ZMIZ1: variants seen among roughly 807,000 people sequenced by gnomAD.
The protein encoded by ZMIZ1 is zinc finger MIZ-type containing 1.
Under a neutral mutation model 113.9 loss-of-function variants are expected in ZMIZ1, and 17 were observed. That is an observed-to-expected ratio of 0.15 (90% CI 0.10 to 0.22). The LOEUF (loss-of-function observed/expected upper bound fraction) is 0.22, where lower values mean the gene tolerates loss of function less well. Ranked by LOEUF, ZMIZ1 falls within the 10% of genes least tolerant of loss-of-function variation. The pLI is 1.00. For synonymous variants in ZMIZ1, 607 were observed against 603.1 expected (o/e 1.01, Z -0.09); for missense variants, 1,059 against 1,477.8 (o/e 0.72, Z 4.65).
chr10:79,202,189 G>GAAAAAAAAAAA (rs58021590), intron 5 of ZMIZ1, among the ~76,000 whole-genome samples: 34 of 52,630 alleles, frequency 6.5e-4, no homozygotes, highest in East Asian at 2.4e-3. Context: ...CCCTGTCTCA[G>GAAAAAAAAAAA]AAAAAAAAAA....
rs1414523764 is a variant in ZMIZ1 at position 79,201,642 on chromosome 10, A to G, written c.10A>G (p.Met4Val). MNS[M>V]DRHIQQTNDR... ...TAGTGAAACGGCCAGAATGAATTCT[A>G]TGGACAGGCACATCCAGCAGACCAA... Residue 4 changes from methionine (M) to valine (V), a missense_variant, in exon 5 of 25, where the codon ATG (methionine) becomes GTG (valine). Met to Val is a conservative substitution (Grantham distance 21). This residue lies in a region of ZMIZ1 where 272 missense variants were observed against 350.4 expected (regional missense o/e 0.78). Coordinates refer to ENST00000334512, the MANE Select transcript of ZMIZ1 (RefSeq NM_020338.4). 6.2e-7 allele frequency: 1 copy of G among 1,613,702 alleles called. No homozygotes were observed. The highest frequency in any genetic ancestry group is 1.7e-5 in the Admixed American group (1 of 60,000).
intron 1 of ZMIZ1, among the ~76,000 whole-genome samples, chr10:79,076,518 G>A (rs948554631): frequency 1.3e-5 from 2 of 152,178 alleles, no homozygotes; most frequent in African/African-American, 2.4e-5. Context: ...GTCTTTACAG[G>A]GTGGTTGCAT....
intron 4 of ZMIZ1, among the ~76,000 whole-genome samples, chr10:79,175,583 CGTGTGTGTGTGTGTGT>C (rs757004699): frequency 3.7e-4 from 46 of 125,384 alleles, no homozygotes; most frequent in Admixed American, 1.3e-3. Context: ...GTGCACTCTG[CGTGTGTGTGTGTGTGT>C]GTGTGTGTGT....
rs78210698 is a variant in ZMIZ1 at position 79,103,591 on chromosome 10, G to A, written c.-336-15324G>A. Among the ~76,000 whole-genome samples, 902 of 152,280 alleles carry A rather than the reference G, an allele frequency of 5.9e-3. 9 individuals carry two copies. The highest frequency in any genetic ancestry group is 0.021 in the African/African-American group (856 of 41,560). On this transcript the variant is annotated intron_variant, in intron 1 of 24. Coordinates refer to ENST00000334512, the MANE Select transcript of ZMIZ1 (RefSeq NM_020338.4). Reference sequence around the variant, plus strand: ...CGGAGGGAGAACAGGATCTAGGGGAGGGAGGGCAAGGGGTGATGCCAACCT... The same window carrying A: ...CGGAGGGAGAACAGGATCTAGGGGAAGGAGGGCAAGGGGTGATGCCAACCT...
chr10:79,299,310 G>GCATCATTGA, intron 16 of ZMIZ1, 119 bp downstream of exon 16: 1 of 1,382,000 alleles, frequency 7.2e-7, no homozygotes, highest in Non-Finnish European at 9.6e-7. Flanking sequence ...ACACCTTCAC[G>GCATCATTGA]TGTTCAGCAT....
intron 1 of ZMIZ1, among the ~76,000 whole-genome samples, chr10:79,095,218 C>T (rs1203726936): frequency 6.6e-6 from 1 of 152,190 alleles, no homozygotes; most frequent in Non-Finnish European, 1.5e-5. Flanking sequence ...TGCTCATGTA[C>T]ACTTAGTGCT....
In ZMIZ1 at chr10:79,118,135, C is replaced by A. The variant is rs1045989878; in HGVS notation, c.-336-780C>A. Among the ~76,000 whole-genome samples, 4 of 152,190 alleles carry A rather than the reference C, an allele frequency of 2.6e-5. No homozygotes were observed. The highest frequency in any genetic ancestry group is 4.4e-5 in the Non-Finnish European group (3 of 68,044). On this transcript the variant is annotated intron_variant, in intron 1 of 24. Coordinates refer to ENST00000334512, the MANE Select transcript of ZMIZ1 (RefSeq NM_020338.4). This position sits in a 1 kb window ranked among gnomAD's most constrained non-coding sequence, Gnocchi z 4.1. Reference sequence around the variant, plus strand: ...TTCCCTCTCAGGGCCTCAGTTTCCTCATTTGTAAAATGACAAGGAAAAGTA... The same window carrying A: ...TTCCCTCTCAGGGCCTCAGTTTCCTAATTTGTAAAATGACAAGGAAAAGTA...
Position 79,103,821 on chromosome 10 carries a change from C to T in ZMIZ1, c.-336-15094C>T, listed in dbSNP as rs571537800. On this transcript the variant is annotated intron_variant, in intron 1 of 24. Transcript: ENST00000334512. ...CATTGCATCATGGATGAGGACCTTC[C>T]GGTCCCCTGGCTTGGAGGCAGACGT... Among the ~76,000 whole-genome samples the T allele has an allele frequency of 2.4e-4, 36 of 152,220 alleles. No homozygotes were observed. The East Asian group carries it at 6.2e-3, about 26-fold the overall frequency.
chr10:79,188,695 C>T (rs1847462464), intron 4 of ZMIZ1, among the ~76,000 whole-genome samples: 1 of 151,464 alleles, frequency 6.6e-6, no homozygotes, highest in African/African-American at 2.4e-5. Flanking sequence ...TGTGTCTCTC[C>T]TCCAGCCTCT....
intron 7 of ZMIZ1, among the ~76,000 whole-genome samples, chr10:79,250,640 C>T (rs1850493741): frequency 6.6e-6 from 1 of 152,218 alleles, no homozygotes; most frequent in African/African-American, 2.4e-5. Context: ...TGAGGTCTAC[C>T]CATAGTTTGT....
intron 1 of ZMIZ1, among the ~76,000 whole-genome samples, chr10:79,098,022 C>T (rs1843231478): frequency 6.6e-6 from 1 of 152,214 alleles, no homozygotes; most frequent in Non-Finnish European, 1.5e-5. Flanking sequence ...ATTCAAGATG[C>T]CACTGGGCCC....
intron 7 of ZMIZ1, among the ~76,000 whole-genome samples, chr10:79,276,002 C>G (rs567323599): frequency 1.8e-4 from 27 of 152,340 alleles, no homozygotes; most frequent in African/African-American, 6.3e-4. Flanking sequence ...CAAAATATGC[C>G]TGGCCACTCT....
chr10:79,132,977 C>T (rs1400026235), intron 2 of ZMIZ1, among the ~76,000 whole-genome samples: 1 of 152,090 alleles, frequency 6.6e-6, no homozygotes, highest in Non-Finnish European at 1.5e-5. Context: ...ACCTGGCCCC[C>T]TCGCAGGCTC....
intron 6 of ZMIZ1, among the ~76,000 whole-genome samples, chr10:79,210,990 G>C (rs1039100649): frequency 1.3e-5 from 2 of 152,162 alleles, no homozygotes; most frequent in African/African-American, 4.8e-5. Context: ...CCTGCCTCCA[G>C]TGTAAGGCAT....
chr10:79,175,834 G>A (rs377028133), intron 4 of ZMIZ1, among the ~76,000 whole-genome samples: 10 of 152,034 alleles, frequency 6.6e-5, no homozygotes, highest in African/African-American at 1.9e-4. Flanking sequence ...CAAACCCTCC[G>A]GGCTTAGCCC....
chr10:79,189,906 C>T (rs578075623), intron 4 of ZMIZ1, among the ~76,000 whole-genome samples: 1 of 152,188 alleles, frequency 6.6e-6, no homozygotes, highest in Non-Finnish European at 1.5e-5. Flanking sequence ...TGGCTCAGTC[C>T]CCTGAGTAGC....
At chr10:79,090,631 A>G (rs751003706) in intron 1 of ZMIZ1, among the ~76,000 whole-genome samples, 5 of 152,218 alleles carry the variant, frequency 3.3e-5, no homozygotes, top group Admixed American at 1.3e-4. Context: ...TGAGAGTTGC[A>G]GATAGTGGCT....
rs747160954 is a variant in ZMIZ1, at chr10:79,307,555, A to G, written c.2819A>G (p.His940Arg). The change falls in exon 23 of 25, where the codon CAC becomes CGC. Residue 940 changes from histidine to arginine, a missense_variant. By Grantham distance (29) the His-to-Arg change is conservative. This residue lies in a region of ZMIZ1 where 225 missense variants were observed against 276.0 expected (regional missense o/e 0.82). Coordinates refer to ENST00000334512, the MANE Select transcript of ZMIZ1 (RefSeq NM_020338.4). The stretch of plus-strand genomic sequence containing the variant: ...GCCGCCCTCGAGAAACCCCTCAGCC[A>G]CCCCATGCAGGAAACTGTGAGTACC... The part of the protein sequence containing the change: ...NMAALEKPLS[H>R]PMQETMPHAG... The G allele has an allele frequency of 6.6e-7, 1 of 1,524,804 alleles. No individual in the cohort carries two copies. Among genetic ancestry groups the G allele is most frequent in the South Asian group, 1.1e-5 (1 of 89,232 alleles). 94.5% of individuals were successfully genotyped at this position (1,524,804 alleles called of 1,614,324 possible). A position where few individuals can be genotyped will look rare whatever the true frequency, so the allele number is the denominator to read the frequency against.
intron 3 of ZMIZ1, among the ~76,000 whole-genome samples, chr10:79,147,563 A>T (rs1024987046): frequency 4.6e-5 from 7 of 152,184 alleles, no homozygotes; most frequent in African/African-American, 1.7e-4. Context: ...GGTTGTCAGA[A>T]CACAGACCTT....
Sources: gnomAD v4.1 joint callset for allele counts (sites outside exome capture counted in the v4.1 genomes callset) on GRCh38, gnomAD v4.1.1 for gene constraint, gnomAD v4.1.1 regional missense constraint, Gnocchi (gnomAD v3.1) non-coding constraint, MANE v1.5 for transcripts, NCBI Gene and HGNC (gene_info 2026-07-23, HGNC 2026-07-21) for gene names.